ZNF717: variants seen among roughly 807,000 people sequenced by gnomAD.
The protein encoded by ZNF717 is krueppel-like factor X17.
A neutral mutation model predicts 13.8 loss-of-function variants in ZNF717; 9 were observed. The observed-to-expected ratio is 0.65, with a 90% CI of 0.39 to 1.14. The LOEUF (loss-of-function observed/expected upper bound fraction) is 1.14, where lower values mean the gene tolerates loss of function less well. Ranked by LOEUF, ZNF717 falls within the 50% of genes most tolerant of loss-of-function variation. ZNF717 has a pLI of 0.01. For synonymous variants in ZNF717, 327 were observed against 364.1 expected (o/e 0.90, Z 1.16); for missense variants, 1,040 against 1,080.7 (o/e 0.96, Z 0.53).
At chr3:75,769,330 G>T (rs549171416) in intron 2 of ZNF717, among the ~76,000 whole-genome samples, 1 of 152,070 alleles carries the variant, frequency 6.6e-6, no homozygotes, top group South Asian at 2.1e-4. Context: ...AGAGGGCTGG[G>T]TGCCTACTCC....
At chr3:75,771,597 C>T (rs1943875083) in intron 2 of ZNF717, among the ~76,000 whole-genome samples, 1 of 152,256 alleles carries the variant, frequency 6.6e-6, no homozygotes, top group South Asian at 2.1e-4. Flanking sequence ...TGCAAGGACC[C>T]CTTTGTGATG....
chr3:75,752,298 C>G (rs372642806), intron 2 of ZNF717, among the ~76,000 whole-genome samples: 1 of 77,728 alleles, frequency 1.3e-5, no homozygotes, highest in South Asian at 4.7e-4. Context: ...AACACGGCTA[C>G]GAGGGTCTGA....
intron 5 of ZNF717, among the ~76,000 whole-genome samples, chr3:75,715,478 G>C (rs138011488): frequency 6.6e-6 from 1 of 152,162 alleles, no homozygotes; most frequent in African/African-American, 2.4e-5. Flanking sequence ...TTTGATCTGA[G>C]AGCCTAATTT....
Position 75,738,717 on chromosome 3 carries a change from G to A in ZNF717, c.906C>T (p.Cys302=). 2 of 1,551,738 alleles carry A rather than the reference G, an allele frequency of 1.3e-6. No homozygotes were observed. Residue 302 remains cysteine, a synonymous_variant, in exon 5 of 5, where the codon TGC becomes TGT. Coordinates refer to ENST00000652011, the MANE Select transcript of ZNF717 (RefSeq NM_001290208.3). The part of the protein sequence containing the change: ...SISKSDLMLQ[C]KMPTEEKPYA... The stretch of plus-strand genomic sequence containing the variant: ...AAGGTTTTTCCTCAGTAGGCATCTT[G>A]CACTGTAGCATAAGGTCTGATTTGC...
chr3:75,708,952 G>A (rs1937868813), downstream of ZNF717, among the ~76,000 whole-genome samples: 1 of 151,928 alleles, frequency 6.6e-6, no homozygotes, highest in African/African-American at 2.4e-5. Context: ...TGAGAGCAGG[G>A]GCAACAGAGG....
intron 2 of ZNF717, among the ~76,000 whole-genome samples, chr3:75,768,869 A>G (rs1281821744): frequency 2.6e-5 from 4 of 151,974 alleles, no homozygotes; most frequent in Non-Finnish European, 5.9e-5. Context: ...AACCTGATTC[A>G]GTCCTCACTG....
intron 2 of ZNF717, among the ~76,000 whole-genome samples, chr3:75,747,921 A>G (rs2107320175): frequency 6.6e-6 from 1 of 152,318 alleles, no homozygotes; most frequent in South Asian, 2.1e-4. Context: ...TTTTGAAAAG[A>G]TCAACAAAAT....
intron 2 of ZNF717, among the ~76,000 whole-genome samples, chr3:75,767,078 G>A (rs535493577): frequency 2.0e-5 from 3 of 152,368 alleles, no homozygotes; most frequent in Non-Finnish European, 4.4e-5. Flanking sequence ...GTGGTATTTG[G>A]GGACTTCAGA....
At chr3:75,720,712 G>T (rs1342985235) in intron 4 of ZNF717, among the ~76,000 whole-genome samples, 2 of 152,252 alleles carry the variant, frequency 1.3e-5, no homozygotes, top group Non-Finnish European at 2.9e-5. Flanking sequence ...GTTGGGCACA[G>T]TGGCTCATAT....
chr3:75,773,457 A>T (rs1186705924), intron 2 of ZNF717, among the ~76,000 whole-genome samples: 1 of 152,328 alleles, frequency 6.6e-6, no homozygotes, highest in Admixed American at 6.5e-5. Flanking sequence ...GATGCCTATT[A>T]ATATGCAGAA....
chr3:75,704,949 T>G (rs1471713121), downstream of ZNF717, among the ~76,000 whole-genome samples: 4 of 152,424 alleles, frequency 2.6e-5, no homozygotes, highest in East Asian at 7.7e-4. Context: ...TGACTAGAAG[T>G]TGAAATGTGG....
Position 75,738,274 on chromosome 3 carries a change from G to T in ZNF717, c.1349C>A (p.Pro450Gln), listed in dbSNP as rs781298305. The T allele has an allele frequency of 1.3e-6, 2 of 1,552,932 alleles. No homozygotes were observed. Among genetic ancestry groups the T allele is most frequent in the Non-Finnish European group, 1.7e-6 (2 of 1,145,980 alleles). ...VHQRTHTGEK[P>Q]YECNECGKPF... ...TTTTCCACACTCATTACATTCATAC[G>T]GTTTTTCCCCTGTGTGTGTTCTCTG... The change falls in exon 5 of 5, where the codon CCG becomes CAG. Residue 450 changes from proline to glutamine, a missense_variant. This residue lies in a region of ZNF717 where 873 missense variants were observed against 832.8 expected (regional missense o/e 1.05). Transcript: ENST00000652011.
At chr3:75,775,224 A>G (rs557999799) in intron 2 of ZNF717, among the ~76,000 whole-genome samples, 315 of 152,344 alleles carry the variant, frequency 2.1e-3, no homozygotes, top group Admixed American at 4.3e-3. Context: ...TTGGCCTCCC[A>G]AACAGCTGGG....
rs1311966270 is a variant in ZNF717 at position 75,718,769 on chromosome 3, T to C, written n.545-2228A>G. On this transcript the variant is annotated intron_variant and non_coding_transcript_variant, in intron 4 of 5. Transcript: ENST00000491507. The stretch of plus-strand genomic sequence containing the variant: ...TATGAGAATCGAATGCTGCAGCTGA[T>C]CTGATAGGAGGCGGAGCTCAGGTCA... Among the ~76,000 whole-genome samples the C allele has an allele frequency of 8.5e-5, 13 of 152,244 alleles. No individual in the cohort carries two copies. In the East Asian group the frequency reaches 2.5e-3, roughly 29 times the overall value.
intron 2 of ZNF717, among the ~76,000 whole-genome samples, chr3:75,774,217 G>A (rs1944128098): frequency 6.7e-6 from 1 of 149,984 alleles, no homozygotes; most frequent in Admixed American, 6.6e-5. Context: ...AAAACAAGAG[G>A]CAGATTGTTT....
At chr3:75,770,087 A>C (rs1452790044) in intron 2 of ZNF717, among the ~76,000 whole-genome samples, 1 of 152,120 alleles carries the variant, frequency 6.6e-6, no homozygotes, top group Non-Finnish European at 1.5e-5. Flanking sequence ...ATGGATTCCT[A>C]AGGATGTCAT....
At chr3:75,716,885 C>T (rs1190239276) in intron 4 of ZNF717, among the ~76,000 whole-genome samples, 1 of 152,158 alleles carries the variant, frequency 6.6e-6, no homozygotes, top group Non-Finnish European at 1.5e-5. Context: ...AGTTTTCATC[C>T]AAAGGATCCA....
chr3:75,702,960 C>T (rs1431779102), intron 6 of ZNF717, among the ~76,000 whole-genome samples: 1 of 152,300 alleles, frequency 6.6e-6, no homozygotes, highest in Non-Finnish European at 1.5e-5. Flanking sequence ...AATCCTAAGC[C>T]ATAGCTCTCA....
intron 1 of ZNF717, 83 bp from the exon 2 acceptor site, chr3:75,783,447 A>C: frequency 1.8e-6 from 2 of 1,099,308 alleles, no homozygotes; most frequent in Non-Finnish European, 2.6e-6. Flanking sequence ...CACTCTAGAC[A>C]CATTACCTGG....
Sources: allele counts gnomAD v4.1 joint callset (sites outside exome capture counted in the v4.1 genomes callset), GRCh38; gene constraint gnomAD v4.1.1; regional missense constraint gnomAD v4.1.1; transcripts MANE v1.5; gene names NCBI Gene and HGNC (gene_info 2026-07-23, HGNC 2026-07-21).